The following XYLT2 variants were observed in gnomAD, a reference collection of about 807,000 sequenced individuals.
The protein encoded by XYLT2 is xylosyltransferase 2.
Under a neutral mutation model 82.6 loss-of-function variants are expected in XYLT2, and 37 were observed. The observed-to-expected ratio is 0.45, with a 90% CI of 0.34 to 0.59. The LOEUF is 0.59. Ranked by LOEUF, XYLT2 falls within the 20% of genes least tolerant of loss-of-function variation. The pLI, the probability that XYLT2 is intolerant of heterozygous loss-of-function variation, is 0.01. For missense variants in XYLT2, 934 were observed against 1,181.3 expected (o/e 0.79, Z 3.07); for synonymous variants, 474 against 499.0 (o/e 0.95, Z 0.67).
At chr17:50,351,831 C>T (rs976320789) in intron 1 of XYLT2, among the ~76,000 whole-genome samples, 6 of 152,086 alleles carry the variant, frequency 3.9e-5, no homozygotes, top group African/African-American at 9.7e-5. Context: ...AATGCCTGAA[C>T]GTTCAAGGGA....
chr17:50,353,726 C>G lies in XYLT2; in HGVS notation c.232C>G (p.His78Asp). 1 of 1,560,186 alleles carries G rather than the reference C, an allele frequency of 6.4e-7. No individual in the cohort carries two copies. The highest frequency in any genetic ancestry group is 8.7e-7 in the Non-Finnish European group (1 of 1,151,788). ...AGRRGSTGRR[H>D]GRWRGRAESP... Reference sequence around the variant, plus strand: ...GCGACGGGGCAGCACAGGCAGAAGGCATGGGCGCTGGCGGGGCCGTGCTGA... The same window carrying G: ...GCGACGGGGCAGCACAGGCAGAAGGGATGGGCGCTGGCGGGGCCGTGCTGA... The change falls in exon 2 of 11, where the codon CAT (histidine) becomes GAT (aspartate). Residue 78 changes from histidine (H) to aspartate (D), a missense_variant. This residue lies in a region of XYLT2 where 371 missense variants were observed against 394.9 expected (regional missense o/e 0.94). Transcript: ENST00000017003.
rs532322858 is a variant in XYLT2 at position 50,354,551 on chromosome 17, G to C, written c.772G>C (p.Glu258Gln). ...GCGTCTCCTCAAGGCCGTTTATCACGAGCAGCACTTCTTTTACATCCATGT... is the reference window on the plus strand; with the variant it reads ...GCGTCTCCTCAAGGCCGTTTATCACCAGCAGCACTTCTTTTACATCCATGT... ...LKRLLKAVYH[E>Q]QHFFYIHVDK... is the part of the protein sequence containing the mutation. The change falls in exon 3 of 11, where the codon GAG becomes CAG. Residue 258 changes from glutamate to glutamine, a missense_variant. Glu to Gln is a conservative substitution (Grantham distance 29). Around this residue, in one of 3 missense-constraint regions of XYLT2, gnomAD observed 371 missense variants for 394.9 expected, o/e 0.94. Transcript: ENST00000017003. The C allele has an allele frequency of 1.9e-6, 3 of 1,611,874 alleles. No homozygotes were observed. The Admixed American group carries it at 5.0e-5, about 27-fold the overall frequency.
chr17:50,358,429 C>A lies in XYLT2; in HGVS notation c.2164C>A (p.Leu722Met), dbSNP rs760478574. ...ATACAAGCCCCCACTGAGCCGGCCC[C>A]TGCGGCCAGGGCCCTGGACTGTTCG... ...TQYKPPLSRP[L>M]RPGPWTVRLL... is the part of the protein sequence containing the mutation. The change falls in exon 10 of 11, where the codon CTG becomes ATG. Residue 722 changes from leucine (L) to methionine (M), a missense_variant. Physicochemically the swap from Leu to Met is conservative, Grantham distance 15 (BLOSUM62 2). Transcript: ENST00000017003. The A allele has an allele frequency of 1.9e-5, 31 of 1,614,058 alleles. No homozygotes were observed. The South Asian group carries it at 3.4e-4, about 18-fold the overall frequency.
intron 1 of XYLT2, among the ~76,000 whole-genome samples, chr17:50,349,128 A>T (rs915183475): frequency 1.3e-5 from 2 of 152,162 alleles, no homozygotes; most frequent in Non-Finnish European, 2.9e-5. Context: ...ACCACAGCCA[A>T]CCTGGCCCCG....
In XYLT2 at chr17:50,346,288, CCGGGCGGG is replaced by C. The variant is rs1317971755; in HGVS notation, c.135+19_135+26del. 1 of 1,091,032 alleles carries C rather than the reference CCGGGCGGG, an allele frequency of 9.2e-7. No individual in the cohort carries two copies. The highest frequency in any genetic ancestry group is 3.1e-5 in the South Asian group (1 of 32,212). 67.6% of individuals were successfully genotyped at this position (1,091,032 alleles called of 1,614,324 possible). ...CGAGGCGGGCGAGGTGCTCCGACGGCCGGGCGGGCGGGCAGGCCGGGCGCGGGGGCGCG... is the reference window on the plus strand; with the variant it reads ...CGAGGCGGGCGAGGTGCTCCGACGGCCGGGCAGGCCGGGCGCGGGGGCGCG... On this transcript the variant is annotated intron_variant, in intron 1 of 10. Coordinates refer to ENST00000017003, the MANE Select transcript of XYLT2 (RefSeq NM_022167.4). This position sits in a 1 kb window ranked among gnomAD's most constrained non-coding sequence, Gnocchi z 5.1.
At chr17:50,355,666 G>T in intron 5 of XYLT2, 85 bp downstream of exon 5, 2 of 1,593,834 alleles carry the variant, frequency 1.3e-6, no homozygotes, top group South Asian at 1.1e-5. Context: ...TCCAGCCCTG[G>T]GTTTCAAAGC....
In XYLT2 at chr17:50,346,185, G is replaced by A; in HGVS notation, c.45G>A (p.Lys15=). Residue 15 remains lysine (K), a synonymous_variant, in exon 1 of 11, where the codon AAG becomes AAA. Transcript: ENST00000017003. The surrounding 1 kb of genome is among the most constrained non-coding windows in gnomAD (Gnocchi z 5.1). ...TGCAGAAGCTGGTGCGGCGCTACAA[G>A]CTGGCGATTGCCACGGCGCTGGCCA... ...ARVQKLVRRY[K]LAIATALAIL... is the part of the protein sequence containing the mutation. The A allele has an allele frequency of 7.8e-7, 1 of 1,289,756 alleles. No homozygotes were observed. Among genetic ancestry groups the A allele is most frequent in the Non-Finnish European group, 1.0e-6 (1 of 992,558 alleles). 79.9% of individuals were successfully genotyped at this position (1,289,756 alleles called of 1,614,324 possible).
chr17:50,351,402 C>G (rs1912262758), intron 1 of XYLT2, among the ~76,000 whole-genome samples: 1 of 152,100 alleles, frequency 6.6e-6, no homozygotes, highest in Admixed American at 6.5e-5. Flanking sequence ...TTTGGGAGGC[C>G]AGGGCAGGTG....
In XYLT2 at chr17:50,360,135, G is replaced by T. The variant is rs939876747; in HGVS notation, c.2442G>T (p.Arg814Ser). 6.2e-7 allele frequency: 1 copy of T among 1,613,938 alleles called. No individual in the cohort carries two copies. Among genetic ancestry groups the T allele is most frequent in the Non-Finnish European group, 8.5e-7 (1 of 1,179,998 alleles). Residue 814 changes from arginine to serine, a missense_variant, in exon 11 of 11, where the codon AGG (arginine) becomes AGT (serine). Arg to Ser is a moderately radical substitution (Grantham distance 110). This residue lies in a region of XYLT2 where 374 missense variants were observed against 465.6 expected (regional missense o/e 0.80). Coordinates refer to ENST00000017003, the MANE Select transcript of XYLT2 (RefSeq NM_022167.4). ...CTGCGCTCGAGGCCTGGACAGACAG[G>T]GAACTGAGCAGCTTCTGGTCCGTGG... Reference protein sequence around the residue: ...TGPALEAWTDRELSSFWSVAG... With the variant: ...TGPALEAWTDSELSSFWSVAG...
Position 50,346,400 on chromosome 17 carries a change from C to T in XYLT2, c.135+125C>T. 1.0e-6 allele frequency: 1 copy of T among 966,440 alleles called. No homozygotes were observed. The allele number at this position is 966,440 out of a possible 1,614,324, so 59.9% of individuals were successfully genotyped here. On this transcript the variant is annotated intron_variant, in intron 1 of 10. Coordinates refer to ENST00000017003, the MANE Select transcript of XYLT2 (RefSeq NM_022167.4). This position sits in a 1 kb window ranked among gnomAD's most constrained non-coding sequence, Gnocchi z 5.1. The stretch of plus-strand genomic sequence containing the variant: ...CGCGTGCGTGCGTGCGGGGCGCCGG[C>T]GGTCGCCCAGAGCGGAGCATCCGGC...
intron 1 of XYLT2, among the ~76,000 whole-genome samples, chr17:50,352,854 C>A (rs1211570827): frequency 6.6e-6 from 1 of 152,208 alleles, no homozygotes; most frequent in East Asian, 1.9e-4. Context: ...CAGGGCTCAC[C>A]AGCTCCAGGC....
chr17:50,358,799 A>G (rs762032824), intron 10 of XYLT2, among the ~76,000 whole-genome samples: 2 of 152,322 alleles, frequency 1.3e-5, no homozygotes, highest in Middle Eastern at 3.4e-3. Flanking sequence ...TGTCCTTGGA[A>G]GTTACCTGGC....
In XYLT2 at chr17:50,346,466, G is replaced by A. The variant is rs1912047291; in HGVS notation, c.135+191G>A. On this transcript the variant is annotated intron_variant, in intron 1 of 10. Transcript: ENST00000017003. The surrounding 1 kb of genome is among the most constrained non-coding windows in gnomAD (Gnocchi z 5.1). ...CCCCAGCAGGCCTAGGGAGCTGCGC[G>A]CGGGGGCAGTGCGTGACCTGGAGAC... 2.4e-6 allele frequency: 2 copies of A among 850,194 alleles called. No individual in the cohort carries two copies. Among genetic ancestry groups the A allele is most frequent in the Admixed American group, 6.2e-5 (1 of 16,096 alleles). 52.7% of individuals were successfully genotyped at this position (850,194 alleles called of 1,614,324 possible).
chr17:50,356,036 G>C (rs543778715), intron 6 of XYLT2, 39 bp downstream of exon 6: 2 of 1,614,114 alleles, frequency 1.2e-6, no homozygotes, highest in East Asian at 2.2e-5. Context: ...GGGAGGGCGT[G>C]GGTTGGGCTG....
Position 50,358,319 on chromosome 17 carries a change from C to T in XYLT2, c.2054C>T (p.Thr685Ile), listed in dbSNP as rs1405296040. ...VQRWARGPNLTATVVWIDPTY... is the reference protein window; with the variant it reads ...VQRWARGPNLIATVVWIDPTY... Reference sequence around the variant, plus strand: ...CGCTGGGCCCGGGGCCCCAACCTCACAGCCACAGTGGTCTGGATCGACCCA... The same window carrying T: ...CGCTGGGCCCGGGGCCCCAACCTCATAGCCACAGTGGTCTGGATCGACCCA... Residue 685 changes from threonine to isoleucine, a missense_variant, in exon 10 of 11, where the codon ACA (threonine) becomes ATA (isoleucine). Transcript: ENST00000017003. 6.2e-7 allele frequency: 1 copy of T among 1,614,020 alleles called. No individual in the cohort carries two copies. Among genetic ancestry groups the T allele is most frequent in the South Asian group, 1.1e-5 (1 of 91,090 alleles).
Position 50,361,010 on chromosome 17 carries a change from G to C in XYLT2, c.*719G>C. The C allele has an allele frequency of 1.0e-6, 1 of 985,898 alleles. No individual in the cohort carries two copies. Among genetic ancestry groups the C allele is most frequent in the Non-Finnish European group, 1.2e-6 (1 of 829,952 alleles). The allele number at this position is 985,898 out of a possible 1,614,324, so 61.1% of individuals were successfully genotyped here. On this transcript the variant is annotated 3_prime_UTR_variant, in exon 11 of 11. Transcript: ENST00000017003. ...ACTGAGACCCATGCAGAGTTTCCAG[G>C]TGTGCACTGGAAGTGAGGTCACATG...
chr17:50,353,954 A>G lies in XYLT2; in HGVS notation c.460A>G (p.Thr154Ala). The G allele has an allele frequency of 6.2e-7, 1 of 1,606,756 alleles. No individual in the cohort carries two copies. Among genetic ancestry groups the G allele is most frequent in the Non-Finnish European group, 8.5e-7 (1 of 1,179,872 alleles). Residue 154 changes from threonine (T) to alanine (A), a missense_variant, in exon 2 of 11, where the codon ACG becomes GCG. Thr to Ala is a moderately conservative substitution (Grantham distance 58, BLOSUM62 0). Coordinates refer to ENST00000017003, the MANE Select transcript of XYLT2 (RefSeq NM_022167.4). The part of the protein sequence containing the change: ...TGSVEGAPQP[T>A]DNGFTPKCEI... The stretch of plus-strand genomic sequence containing the variant: ...GAGCGTGGAGGGCGCCCCCCAGCCC[A>G]CGGACAATGGCTTCACCCCCAAGTG...
chr17:50,354,606 A>G (rs754294008), intron 3 of XYLT2, 23 bp downstream of exon 3: 15 of 1,592,822 alleles, frequency 9.4e-6, no homozygotes, highest in African/African-American at 1.3e-5. Context: ...GGAGAGGCCA[A>G]GGGGTCTGGG....
intron 7 of XYLT2, 74 bp downstream of exon 7, chr17:50,356,335 G>A: frequency 6.3e-7 from 1 of 1,576,054 alleles, no homozygotes; most frequent in Non-Finnish European, 8.6e-7. Flanking sequence ...TGGCAGGGTG[G>A]GCCAGTAAGA....
Sources: gnomAD v4.1 joint callset for allele counts (sites outside exome capture counted in the v4.1 genomes callset) on GRCh38, gnomAD v4.1.1 for gene constraint, gnomAD v4.1.1 regional missense constraint, Gnocchi (gnomAD v3.1) non-coding constraint, MANE v1.5 for transcripts, NCBI Gene and HGNC (gene_info 2026-07-23, HGNC 2026-07-21) for gene names.